Variants in INPP5D observed in about 807,000 individuals in gnomAD.
The protein encoded by INPP5D is inositol polyphosphate-5-phosphatase D.
Under a neutral mutation model 122.9 loss-of-function variants are expected in INPP5D, and 33 were observed. The ratio of observed to expected loss-of-function variants is 0.27; its 90% CI spans 0.20 to 0.36. The LOEUF is 0.36. Among genes scored for constraint, INPP5D ranks in the 10% least tolerant of loss-of-function variants. The pLI is 1.00. For synonymous variants in INPP5D, 584 were observed against 576.2 expected (o/e 1.01, Z -0.19); for missense variants, 1,053 against 1,412.7 (o/e 0.75, Z 4.08).
chr2:233,077,108 G>C (rs1167431559), intron 1 of INPP5D, among the ~76,000 whole-genome samples: 1 of 152,178 alleles, frequency 6.6e-6, no homozygotes, highest in Non-Finnish European at 1.5e-5. Flanking sequence ...CACTTGGCTT[G>C]AGAAGACCTC....
In INPP5D at chr2:233,125,854, C is replaced by T. The variant is rs531680084; in HGVS notation, c.459C>T (p.Thr153=). ...TTTCAAACGAGAATCCCCGAGCGAC[C>T]GAGACCAGCCGGCCGAGCCTCTCCG... The part of the protein sequence containing the change: ...VPFSNENPRA[T]ETSRPSLSET... Residue 153 remains threonine (T), a synonymous_variant, in exon 4 of 27, where the codon ACC becomes ACT. Coordinates refer to ENST00000445964, the MANE Select transcript of INPP5D (RefSeq NM_001017915.3). The T allele has an allele frequency of 2.8e-5, 45 of 1,613,704 alleles. No individual in the cohort carries two copies. Among genetic ancestry groups the T allele is most frequent in the Admixed American group, 8.3e-5 (5 of 59,990 alleles).
At chr2:233,079,468 G>A (rs1016640432) in intron 2 of INPP5D, 70 bp downstream of exon 2, 10 of 1,014,796 alleles carry the variant, frequency 9.9e-6, no homozygotes, top group Admixed American at 3.5e-5. Context: ...GGGTGTAAAC[G>A]ATGAGGAAGG....
At chr2:233,115,572 C>T (rs1692765936) in intron 2 of INPP5D, among the ~76,000 whole-genome samples, 2 of 152,128 alleles carry the variant, frequency 1.3e-5, no homozygotes, top group African/African-American at 4.8e-5. Context: ...TCCTGAACCC[C>T]AGGGCCACAG....
chr2:233,102,705 C>G (rs1281643257), intron 2 of INPP5D, among the ~76,000 whole-genome samples: 1 of 152,120 alleles, frequency 6.6e-6, no homozygotes, highest in Non-Finnish European at 1.5e-5. Flanking sequence ...AAAAAATTAG[C>G]TGGACGTGGT....
rs1305018184 is a variant in INPP5D, at chr2:233,189,633, T to A, written c.2359-217T>A. On this transcript the variant is annotated intron_variant, in intron 21 of 26. Transcript: ENST00000445964. The surrounding 1 kb of genome is among the most constrained non-coding windows in gnomAD (Gnocchi z 5.6). The stretch of plus-strand genomic sequence containing the variant: ...AGTTTAGGAGGCCTGGGGTGCAGCG[T>A]GGAGGTGAGGGGGACAGGGAAGGAA... Among the ~76,000 whole-genome samples the A allele has an allele frequency of 6.6e-6, 1 of 151,982 alleles. No homozygotes were observed. Among genetic ancestry groups the A allele is most frequent in the Non-Finnish European group, 1.5e-5 (1 of 67,970 alleles).
intron 1 of INPP5D, chr2:233,076,127 G>A (rs1691513471): frequency 6.6e-6 from 1 of 152,238 alleles, no homozygotes; most frequent in African/African-American, 2.4e-5. Flanking sequence ...TGTTTGGGCT[G>A]GCTGGAGCTC....
chr2:233,125,660 G>A (rs1166833858), intron 3 of INPP5D, 85 bp from the exon 4 acceptor site: 54 of 1,239,012 alleles, frequency 4.4e-5, no homozygotes, highest in Admixed American at 2.0e-4. Flanking sequence ...CGTGGGTGTC[G>A]TGGCCTGGAC....
chr2:233,179,628 CG>C (rs1028155380), intron 18 of INPP5D, among the ~76,000 whole-genome samples: 2 of 152,204 alleles, frequency 1.3e-5, no homozygotes, highest in African/African-American at 4.8e-5. Context: ...CAGTGTCTTC[CG>C]GGGAGGGCTG....
chr2:233,187,680 G>A (rs1377072564), intron 21 of INPP5D, among the ~76,000 whole-genome samples: 1 of 152,180 alleles, frequency 6.6e-6, no homozygotes, highest in Non-Finnish European at 1.5e-5. Context: ...AGCTCACATG[G>A]CTCTGACTGG....
At chr2:233,162,340 TACTA>T (rs1347759944) in intron 11 of INPP5D, among the ~76,000 whole-genome samples, 2 of 152,100 alleles carry the variant, frequency 1.3e-5, no homozygotes, top group Non-Finnish European at 2.9e-5. Flanking sequence ...AACAAATAAA[TACTA>T]AATATATATG....
chr2:233,179,002 T>C (rs1694717232), intron 18 of INPP5D, among the ~76,000 whole-genome samples: 1 of 152,180 alleles, frequency 6.6e-6, no homozygotes, highest in Non-Finnish European at 1.5e-5. Flanking sequence ...TGTCTCCTCC[T>C]ACTGCCCAGA....
chr2:233,142,559 G>T (rs939056269), intron 6 of INPP5D, among the ~76,000 whole-genome samples: 2 of 152,174 alleles, frequency 1.3e-5, no homozygotes, highest in South Asian at 2.1e-4. Context: ...CCAAACCCCT[G>T]TGTGGTTACT....
chr2:233,197,518 A>G lies in INPP5D; in HGVS notation c.2694-577A>G, dbSNP rs1695215246. Among the ~76,000 whole-genome samples, 1 of 151,154 alleles carries G rather than the reference A, an allele frequency of 6.6e-6. No individual in the cohort carries two copies. Among genetic ancestry groups the G allele is most frequent in the Non-Finnish European group, 1.5e-5 (1 of 67,782 alleles). Reference sequence around the variant, plus strand: ...GCCAGCCTTGCCAGCTTCTCATTCCATCCTCTGCACCTGCTCACCAGCCTT... The same window carrying G: ...GCCAGCCTTGCCAGCTTCTCATTCCGTCCTCTGCACCTGCTCACCAGCCTT... On this transcript the variant is annotated intron_variant, in intron 24 of 26. Coordinates refer to ENST00000445964, the MANE Select transcript of INPP5D (RefSeq NM_001017915.3). The surrounding 1 kb of genome is among the most constrained non-coding windows in gnomAD (Gnocchi z 4.4).
At chr2:233,122,816 AAGAG>A (rs1289590868) in intron 3 of INPP5D, among the ~76,000 whole-genome samples, 3 of 152,216 alleles carry the variant, frequency 2.0e-5, no homozygotes, top group East Asian at 1.9e-4. Flanking sequence ...AAGAAAAAAA[AAGAG>A]AGAGAGAGAA....
chr2:233,086,824 C>T (rs544338284), intron 2 of INPP5D, among the ~76,000 whole-genome samples: 22 of 152,306 alleles, frequency 1.4e-4, no homozygotes, highest in Admixed American at 2.0e-4. Context: ...AATTGAATAT[C>T]GAGTTTCACT....
intron 11 of INPP5D, among the ~76,000 whole-genome samples, chr2:233,163,124 C>T (rs1227012936): frequency 6.6e-6 from 1 of 152,228 alleles, no homozygotes; most frequent in Non-Finnish European, 1.5e-5. Flanking sequence ...CTTTGAGGAA[C>T]AAAGTTTGCT....
In INPP5D at chr2:233,163,879, A is replaced by G; in HGVS notation, c.1413A>G (p.Glu471=). The G allele has an allele frequency of 6.2e-7, 1 of 1,613,806 alleles. No individual in the cohort carries two copies. The highest frequency in any genetic ancestry group is 8.5e-7 in the Non-Finnish European group (1 of 1,179,826). Residue 471 remains glutamate (E), a synonymous_variant, in exon 12 of 27, where the codon GAA becomes GAG. Coordinates refer to ENST00000445964, the MANE Select transcript of INPP5D (RefSeq NM_001017915.3). The stretch of plus-strand genomic sequence containing the variant: ...AGATCCTCAAACACTCCCTGCAAGA[A>G]ATCACCAGTGTGACTTTTAAAACAG... The part of the protein sequence containing the change: ...WLEILKHSLQ[E]ITSVTFKTVA...
rs1691606289 is a variant in INPP5D, at chr2:233,079,193, A to T, written c.135-142A>T. The T allele has an allele frequency of 1.6e-5, 10 of 634,408 alleles. No individual in the cohort carries two copies. In the Admixed American group the frequency reaches 2.4e-4, roughly 15 times the overall value. 39.3% of individuals were successfully genotyped at this position (634,408 alleles called of 1,614,324 possible). A position where few individuals can be genotyped will look rare whatever the true frequency, so the allele number is the denominator to read the frequency against. On this transcript the variant is annotated intron_variant, in intron 1 of 26. Transcript: ENST00000445964. ...TTGCTGGACGTCAGGACTCACCTCC[A>T]TCTTAAGAGAACGGTCAGCTCCGAA...
intron 17 of INPP5D, chr2:233,171,364 C>T: frequency 1.7e-6 from 1 of 588,360 alleles, no homozygotes; most frequent in Non-Finnish European, 2.7e-6. Flanking sequence ...TTGTGATTTA[C>T]CTTCTGTCCA....
Sources: gnomAD v4.1 joint callset for allele counts (sites outside exome capture counted in the v4.1 genomes callset) on GRCh38, gnomAD v4.1.1 for gene constraint, Gnocchi (gnomAD v3.1) non-coding constraint, MANE v1.5 for transcripts, NCBI Gene and HGNC (gene_info 2026-07-23, HGNC 2026-07-21) for gene names.